HSPG2: variants seen among roughly 807,000 people sequenced by gnomAD.
HSPG2 encodes the protein basement membrane-specific heparan sulfate proteoglycan core protein.
Under a neutral mutation model 526.6 loss-of-function variants are expected in HSPG2, and 278 were observed. The observed-to-expected ratio is 0.53, with a 90% CI of 0.48 to 0.58. HSPG2 has a LOEUF of 0.58. Ranked by LOEUF, HSPG2 falls within the 20% of genes least tolerant of loss-of-function variation. The pLI, the probability that HSPG2 is intolerant of heterozygous loss-of-function variation, is 0.00. For missense variants in HSPG2, 5,354 were observed against 6,099.5 expected, an observed-to-expected ratio of 0.88 and a Z score of 4.07; for synonymous variants, 2,465 against 2,555.4, an observed-to-expected ratio of 0.96 and a Z score of 1.07.
Position 21,831,302 on chromosome 1 carries a change from G to A in HSPG2, c.11475C>T (p.Ile3825=), listed in dbSNP as rs111866498. ...CATGGAAGACGATCTCCTCGCCCTG[G>A]ATGCGCAGCTCCCGGACACAGCCTG... ...GFIGCVRELR[I]QGEEIVFHDL... Residue 3825 remains isoleucine, a synonymous_variant, in exon 84 of 97, where the codon ATC becomes ATT. Transcript: ENST00000374695. 3.6e-3 allele frequency: 5,847 copies of A among 1,614,058 alleles called. 10 individuals carry two copies. The highest frequency in any genetic ancestry group is 4.2e-3 in the Non-Finnish European group (5,007 of 1,179,966).
chr1:21,885,882 C>T (rs1299695146), intron 9 of HSPG2, among the ~76,000 whole-genome samples: 1 of 152,268 alleles, frequency 6.6e-6, no homozygotes, highest in African/African-American at 2.4e-5. Flanking sequence ...CCCTGAGGGG[C>T]TCGACGGTCT....
Position 21,880,514 on chromosome 1 carries a change from G to C in HSPG2, c.2044C>G (p.Leu682Val), listed in dbSNP as rs1271804667. The change falls in exon 16 of 97, where the codon CTG (leucine) becomes GTG (valine). Residue 682 changes from leucine (L) to valine (V), a missense_variant. By Grantham distance (32) the Leu-to-Val change is conservative. Transcript: ENST00000374695. ...TCCAGGCTCTGCAGCACCTGCAGCA[G>C]CTCCGCGCGCTGCACCGGCCGGCCA... ...ESGRPVQRAE[L>V]LQVLQSLEAV... 2 of 1,613,572 alleles carry C rather than the reference G, an allele frequency of 1.2e-6. No homozygotes were observed.
At position 21,823,320 on chromosome 1, in the gene HSPG2, G is replaced by A. The variant is rs961325868; in HGVS notation, c.13172C>T (p.Ser4391Leu). ...CCGTGTGGGGCAGGCAGGTGCCTAC[G>A]AGGGGCAGGGGCGTGTGTTGGCCCC... ...QAGANTRPCPS is the reference protein window; with the variant it reads ...QAGANTRPCPL The change falls in exon 97 of 97, where the codon TCG becomes TTG. Residue 4391 changes from serine (S) to leucine (L), a missense_variant. Transcript: ENST00000374695. 36 of 1,531,646 alleles carry A rather than the reference G, an allele frequency of 2.4e-5. No homozygotes were observed. The highest frequency in any genetic ancestry group is 1.1e-4 in the African/African-American group (8 of 72,838). The allele number at this position is 1,531,646 out of a possible 1,614,324, so 94.9% of individuals were successfully genotyped here.
At chr1:21,919,425 CA>C (rs36109631) in intron 1 of HSPG2, among the ~76,000 whole-genome samples, 1,286 of 118,836 alleles carry the variant, frequency 0.011, 18 homozygotes, top group Admixed American at 0.033. Flanking sequence ...GACCCTGTCT[CA>C]AAAAAAAAAA....
At chr1:21,900,307 C>A (rs1643026483) in intron 1 of HSPG2, among the ~76,000 whole-genome samples, 1 of 152,204 alleles carries the variant, frequency 6.6e-6, no homozygotes, top group Non-Finnish European at 1.5e-5. Context: ...ATTGTTCTAA[C>A]AGGCTGAGAA....
chr1:21,845,939 G>C (rs758817440), intron 64 of HSPG2, among the ~76,000 whole-genome samples, 169 bp downstream of exon 64: 1 of 152,246 alleles, frequency 6.6e-6, no homozygotes, highest in Non-Finnish European at 1.5e-5. Context: ...CTCCACCTGA[G>C]CCGGCTCCTT....
intron 1 of HSPG2, among the ~76,000 whole-genome samples, chr1:21,935,959 G>A (rs1263830368): frequency 2.0e-5 from 3 of 152,282 alleles, no homozygotes; most frequent in Non-Finnish European, 4.4e-5. Flanking sequence ...CTGGGTGGGG[G>A]CTTGACGAGT....
Position 21,873,952 on chromosome 1 carries a change from G to A in HSPG2, c.3716C>T (p.Pro1239Leu). 2 of 1,603,708 alleles carry A rather than the reference G, an allele frequency of 1.2e-6. No homozygotes were observed. Among genetic ancestry groups the A allele is most frequent in the Non-Finnish European group, 1.7e-6 (2 of 1,174,952 alleles). Residue 1239 changes from proline to leucine, a missense_variant, in exon 29 of 97, where the codon CCA becomes CTA. Transcript: ENST00000374695. ...DGHPTCDACS[P>L]GHSGRHCERC... ...CTCACAGTGACGCCCACTGTGGCCT[G>A]GGGAGCACGCATCACAGGTGGGGTG... is the stretch of plus-strand genomic sequence containing the variant.
intron 86 of HSPG2, 82 bp from the exon 87 acceptor site, chr1:21,829,686 C>A (rs1343628350): frequency 8.2e-7 from 1 of 1,214,210 alleles, no homozygotes; most frequent in South Asian, 1.4e-5. Flanking sequence ...TCCTCTGGGA[C>A]CCTTGCCTGC....
chr1:21,853,828 G>A (rs1639116174), intron 50 of HSPG2: 1 of 290,494 alleles, frequency 3.4e-6, no homozygotes, highest in South Asian at 3.8e-5. Flanking sequence ...CCAAGCAGGT[G>A]GGCAGTACTG....
intron 33 of HSPG2, among the ~76,000 whole-genome samples, chr1:21,871,328 T>C (rs996754070): frequency 3.3e-5 from 5 of 150,058 alleles, no homozygotes; most frequent in African/African-American, 1.2e-4. Flanking sequence ...GGTGCAATTA[T>C]GGCTCACTGC....
Position 21,874,517 on chromosome 1 carries a change from G to C in HSPG2, c.3545C>G (p.Thr1182Arg). The C allele has an allele frequency of 6.2e-7, 1 of 1,613,580 alleles. No individual in the cohort carries two copies. The highest frequency in any genetic ancestry group is 8.5e-7 in the Non-Finnish European group (1 of 1,179,956). Residue 1182 changes from threonine (T) to arginine (R), a missense_variant, in exon 28 of 97, where the codon ACG becomes AGG. Transcript: ENST00000374695. ...TGACQGCQHH[T>R]EGPRCEQCQP... ...GCACTGCTCACACCGAGGGCCCTCC[G>C]TGTGATGCTGGCAGCCCTGGAGGAG...
At chr1:21,869,569 G>A (rs1640490073) in intron 33 of HSPG2, 1 of 986,478 alleles carries the variant, frequency 1.0e-6, no homozygotes, top group African/African-American at 1.7e-5. Flanking sequence ...CTGGGGATGA[G>A]GAGAGAGCCC....
chr1:21,860,942 A>T (rs1443160909), intron 39 of HSPG2, among the ~76,000 whole-genome samples: 1 of 152,234 alleles, frequency 6.6e-6, no homozygotes, highest in Non-Finnish European at 1.5e-5. Context: ...GAAGCATATC[A>T]GGGCTGTGCG....
intron 71 of HSPG2, among the ~76,000 whole-genome samples, chr1:21,840,343 T>C (rs1451797666): frequency 1.3e-5 from 2 of 152,092 alleles, no homozygotes; most frequent in Non-Finnish European, 2.9e-5. Context: ...TCTTGCTCTG[T>C]CACCCAGGCT....
chr1:21,927,781 G>A (rs1234333437), intron 1 of HSPG2, among the ~76,000 whole-genome samples: 3 of 152,200 alleles, frequency 2.0e-5, no homozygotes, highest in Non-Finnish European at 4.4e-5. Context: ...CTCGGTAGGC[G>A]AAGGAGGGGC....
At position 21,865,098 on chromosome 1, in the gene HSPG2, C is replaced by A. The variant is rs770909702; in HGVS notation, c.4396-25G>T. The A allele has an allele frequency of 6.4e-7, 1 of 1,550,994 alleles. No homozygotes were observed. The highest frequency in any genetic ancestry group is 8.7e-7 in the Non-Finnish European group (1 of 1,146,344). ...CCTGGGTTGGGGGTGGCAACGTGGGCGGGGGCAGTGGGCTTTGTGGGCTGC... is the reference window on the plus strand; with the variant it reads ...CCTGGGTTGGGGGTGGCAACGTGGGAGGGGGCAGTGGGCTTTGTGGGCTGC... On this transcript the variant is annotated intron_variant, in intron 35 of 96. Transcript: ENST00000374695. The surrounding 1 kb of genome is among the most constrained non-coding windows in gnomAD (Gnocchi z 5.4).
At position 21,864,515 on chromosome 1, in the gene HSPG2, G is replaced by A. The variant is rs1366248921; in HGVS notation, c.4627-302C>T. On this transcript the variant is annotated intron_variant, in intron 36 of 96. Coordinates refer to ENST00000374695, the MANE Select transcript of HSPG2 (RefSeq NM_005529.7). The surrounding 1 kb of genome is among the most constrained non-coding windows in gnomAD (Gnocchi z 4.8). The stretch of plus-strand genomic sequence containing the variant: ...GGCATGAACTGGGTTTTAACCCCCG[G>A]AGAGTGTGGCCCAAACGTGAGGCTG... Among the ~76,000 whole-genome samples, 1 of 152,160 alleles carries A rather than the reference G, an allele frequency of 6.6e-6. No homozygotes were observed. Among genetic ancestry groups the A allele is most frequent in the Non-Finnish European group, 1.5e-5 (1 of 68,030 alleles).
chr1:21,850,736 G>A (rs1271450194), intron 55 of HSPG2, among the ~76,000 whole-genome samples: 1 of 152,186 alleles, frequency 6.6e-6, no homozygotes, highest in East Asian at 1.9e-4. Flanking sequence ...ACATTTCGAT[G>A]TCTCCAAAAT....
Sources: gnomAD v4.1 joint callset for allele counts (sites outside exome capture counted in the v4.1 genomes callset) on GRCh38, gnomAD v4.1.1 for gene constraint, Gnocchi (gnomAD v3.1) non-coding constraint, MANE v1.5 for transcripts, NCBI Gene and HGNC (gene_info 2026-07-23, HGNC 2026-07-21) for gene names.